Variants in RASA3 observed in about 807,000 individuals in gnomAD.
The protein encoded by RASA3 is ras GTPase-activating protein 3.
A neutral mutation model predicts 110.0 loss-of-function variants in RASA3; 73 were observed. That is an observed-to-expected ratio of 0.66 (90% CI 0.55 to 0.81). RASA3 has a LOEUF of 0.81. RASA3 is among the 30% of genes least tolerant of loss of function. The pLI is 0.00. For missense variants in RASA3, 976 were observed against 1,113.2 expected (o/e 0.88, Z 1.75); for synonymous variants, 500 against 451.4 (o/e 1.11, Z -1.37).
At chr13:114,061,222 G>C (rs573445951) in intron 2 of RASA3, among the ~76,000 whole-genome samples, 2 of 152,148 alleles carry the variant, frequency 1.3e-5, no homozygotes, top group Non-Finnish European at 2.9e-5. Flanking sequence ...GGCCGGGGAC[G>C]CTGCCTCGAT....
intron 1 of RASA3, among the ~76,000 whole-genome samples, chr13:114,108,268 C>T (rs987790318): frequency 6.1e-5 from 2 of 32,832 alleles, no homozygotes; most frequent in African/African-American, 1.8e-4. Context: ...CATCCGTCAC[C>T]CCGTGTCTGT....
rs1489396103 is a variant in RASA3, at chr13:114,005,809, C to T, written c.1742+1724G>A. Among the ~76,000 whole-genome samples, 3 of 21,382 alleles carry T rather than the reference C, an allele frequency of 1.4e-4. 1 individual carries two copies. The highest frequency in any genetic ancestry group is 4.5e-4 in the African/African-American group (1 of 2,200). The allele number at this position is 21,382 out of a possible 152,430, so 14.0% of individuals were successfully genotyped here. ...CCTGCCCTGCCGGACACCACCTTAC[C>T]CTTCTCCCCTCCTGCCCTGCCGGAC... On this transcript the variant is annotated intron_variant, in intron 18 of 23. Coordinates refer to ENST00000334062, the MANE Select transcript of RASA3 (RefSeq NM_007368.4).
intron 4 of RASA3, among the ~76,000 whole-genome samples, chr13:114,037,159 G>T (rs1168708192): frequency 6.6e-6 from 1 of 152,170 alleles, no homozygotes; most frequent in African/African-American, 2.4e-5. Flanking sequence ...CACCAGCTGT[G>T]AGATCAACCT....
At chr13:114,043,071 C>A (rs558963151) in intron 3 of RASA3, among the ~76,000 whole-genome samples, 1 of 152,210 alleles carries the variant, frequency 6.6e-6, no homozygotes, top group Non-Finnish European at 1.5e-5. Context: ...CTGACTGGTC[C>A]ATTCCGTGAC....
rs117599454 is a variant in RASA3 at position 113,992,335 on chromosome 13, G to A, written c.2245+150C>T. Reference sequence around the variant, plus strand: ...CTGCCTACCCTGCAAAAAGCTTTTCGCATCCATCCGTGCTACAAAGACAAC... The same window carrying A: ...CTGCCTACCCTGCAAAAAGCTTTTCACATCCATCCGTGCTACAAAGACAAC... On this transcript the variant is annotated intron_variant, in intron 22 of 23. Coordinates refer to ENST00000334062, the MANE Select transcript of RASA3 (RefSeq NM_007368.4). 2,652 of 529,036 alleles carry A rather than the reference G, an allele frequency of 5.0e-3. 11 individuals carry two copies. Among genetic ancestry groups the A allele is most frequent in the Non-Finnish European group, 7.6e-3 (2,276 of 299,786 alleles). 32.8% of individuals were successfully genotyped at this position (529,036 alleles called of 1,614,324 possible). A position where few individuals can be genotyped will look rare whatever the true frequency, so the allele number is the denominator to read the frequency against.
At chr13:114,025,722 G>A (rs1273636435) in intron 7 of RASA3, among the ~76,000 whole-genome samples, 1 of 152,244 alleles carries the variant, frequency 6.6e-6, no homozygotes, top group East Asian at 1.9e-4. Context: ...AGAGTTAAAG[G>A]GTCTTAATGT....
Position 114,061,932 on chromosome 13 carries a change from C to T in RASA3, c.174-9777G>A, listed in dbSNP as rs570978993. Among the ~76,000 whole-genome samples the T allele has an allele frequency of 3.3e-5, 5 of 152,014 alleles. No homozygotes were observed. In the South Asian group the frequency reaches 8.3e-4, roughly 25 times the overall value. ...CAGAGCACACGGCGCAGGGGTTGGGCGGGGAGGACGGCAAGGTCAAGCCAG... is the reference window on the plus strand; with the variant it reads ...CAGAGCACACGGCGCAGGGGTTGGGTGGGGAGGACGGCAAGGTCAAGCCAG... On this transcript the variant is annotated intron_variant, in intron 2 of 23. Coordinates refer to ENST00000334062, the MANE Select transcript of RASA3 (RefSeq NM_007368.4).
At chr13:114,118,785 T>G (rs1329829839) in intron 1 of RASA3, among the ~76,000 whole-genome samples, 1 of 152,240 alleles carries the variant, frequency 6.6e-6, no homozygotes, top group East Asian at 1.9e-4. Flanking sequence ...TGGCCTTCTC[T>G]GCTGAAAGTC....
At chr13:114,015,565 C>G (rs988919470) in intron 13 of RASA3, among the ~76,000 whole-genome samples, 1 of 152,246 alleles carries the variant, frequency 6.6e-6, no homozygotes, top group African/African-American at 2.4e-5. Context: ...GGCTCGGCCC[C>G]GACCTCGTTT....
chr13:113,991,437 G>C (rs995796323), intron 22 of RASA3, among the ~76,000 whole-genome samples: 5 of 152,202 alleles, frequency 3.3e-5, no homozygotes, highest in African/African-American at 1.2e-4. Context: ...TTTCCATTCT[G>C]AGTGGGACTC....
intron 20 of RASA3, among the ~76,000 whole-genome samples, chr13:113,998,180 GA>G (rs2053298902): frequency 6.6e-6 from 1 of 152,174 alleles, no homozygotes; most frequent in Admixed American, 6.5e-5. Flanking sequence ...TGCTTCCTTC[GA>G]GGGACGGTCT....
At chr13:114,022,273 C>G (rs2053942561) in intron 8 of RASA3, among the ~76,000 whole-genome samples, 1 of 152,210 alleles carries the variant, frequency 6.6e-6, no homozygotes, top group Non-Finnish European at 1.5e-5. Flanking sequence ...TGGTACGTGT[C>G]CCCTCAGACC....
intron 1 of RASA3, among the ~76,000 whole-genome samples, chr13:114,105,489 A>G (rs530029193): frequency 6.6e-6 from 1 of 152,310 alleles, no homozygotes; most frequent in South Asian, 2.1e-4. Flanking sequence ...AGGAGGCCTC[A>G]GCCAAGGAGG....
chr13:114,004,719 G>C (rs1039928371), intron 18 of RASA3, among the ~76,000 whole-genome samples: 3 of 152,094 alleles, frequency 2.0e-5, no homozygotes, highest in Admixed American at 6.6e-5. Flanking sequence ...GGAAACCCAC[G>C]GAGATTTCTC....
At chr13:114,015,087 G>T in intron 14 of RASA3, 122 bp downstream of exon 14, 1 of 1,331,222 alleles carries the variant, frequency 7.5e-7, no homozygotes, top group Non-Finnish European at 1.0e-6. Flanking sequence ...CATCGGAACT[G>T]GGGTTCACGA....
intron 1 of RASA3, among the ~76,000 whole-genome samples, chr13:114,089,789 G>A (rs1276952429): frequency 2.0e-5 from 3 of 151,894 alleles, no homozygotes; most frequent in Admixed American, 6.6e-5. Flanking sequence ...GAGCATTTCC[G>A]TCCCCCTGAA....
intron 22 of RASA3, among the ~76,000 whole-genome samples, chr13:113,989,985 G>A (rs2053070233): frequency 6.6e-6 from 1 of 151,970 alleles, no homozygotes; most frequent in Non-Finnish European, 1.5e-5. Context: ...GGAAGGAGAG[G>A]GGATCATGGG....
intron 1 of RASA3, among the ~76,000 whole-genome samples, chr13:114,104,791 T>C (rs779727491): frequency 1.1e-4 from 17 of 152,232 alleles, no homozygotes; most frequent in Admixed American, 3.9e-4. Context: ...GTGCAGTGTC[T>C]GTTCTGGAGG....
chr13:114,049,475 A>G (rs2139537667), intron 3 of RASA3, among the ~76,000 whole-genome samples: 2 of 152,284 alleles, frequency 1.3e-5, no homozygotes, highest in African/African-American at 4.8e-5. Flanking sequence ...AGAGCATATA[A>G]CTCCAGAACT....
Sources: gnomAD v4.1 joint callset for allele counts (sites outside exome capture counted in the v4.1 genomes callset) on GRCh38, gnomAD v4.1.1 for gene constraint, MANE v1.5 for transcripts, NCBI Gene and HGNC (gene_info 2026-07-23, HGNC 2026-07-21) for gene names.